Variants in LRRIQ1 observed in about 807,000 individuals in gnomAD.
LRRIQ1 encodes leucine-rich repeat- and IQ domain-containing protein 1.
LRRIQ1 carries 210 observed loss-of-function variants against 211.9 expected under a neutral mutation model. The ratio of observed to expected loss-of-function variants is 0.99; its 90% confidence interval spans 0.89 to 1.11. The LOEUF (loss-of-function observed/expected upper bound fraction) is 1.11, where lower values mean the gene tolerates loss of function less well. LRRIQ1 is among the 50% of genes most tolerant of loss of function. The pLI is 0.00. For missense variants in LRRIQ1, 2,136 were observed against 1,939.5 expected, an observed-to-expected ratio of 1.10 and a Z score of -1.90; for synonymous variants, 699 against 650.1, an observed-to-expected ratio of 1.08 and a Z score of -1.14.
chr12:85,094,933 G>A (rs758013765), intron 11 of LRRIQ1, among the ~76,000 whole-genome samples: 5 of 152,044 alleles, frequency 3.3e-5, no homozygotes, highest in African/African-American at 7.2e-5. Context: ...TATTACTGGT[G>A]TATAGAAATG....
chr12:85,132,054 G>A (rs1888801676), intron 18 of LRRIQ1, among the ~76,000 whole-genome samples: 1 of 152,058 alleles, frequency 6.6e-6, no homozygotes, highest in African/African-American at 2.4e-5. Context: ...AAACACACAT[G>A]CTATGTATTT....
chr12:85,176,969 C>A (rs1463104682), intron 24 of LRRIQ1, among the ~76,000 whole-genome samples: 8 of 152,006 alleles, frequency 5.3e-5, no homozygotes, highest in Admixed American at 5.3e-4. Context: ...ATCATATTCA[C>A]CAACTTGGAG....
intron 11 of LRRIQ1, among the ~76,000 whole-genome samples, chr12:85,088,463 T>G (rs1445448331): frequency 1.3e-5 from 2 of 152,164 alleles, no homozygotes; most frequent in Non-Finnish European, 2.9e-5. Flanking sequence ...TTTAAAGTAG[T>G]TTTTTCCAAT....
At chr12:85,184,904 TA>T (rs569319042) in intron 24 of LRRIQ1, among the ~76,000 whole-genome samples, 1 of 151,960 alleles carries the variant, frequency 6.6e-6, no homozygotes, top group East Asian at 1.9e-4. Flanking sequence ...ATATGATTTT[TA>T]AAAAGTAAAT....
chr12:85,131,286 G>GAC (rs1888743383), intron 18 of LRRIQ1, among the ~76,000 whole-genome samples: 1 of 151,668 alleles, frequency 6.6e-6, no homozygotes. Context: ...ATCTCCCACA[G>GAC]ACACTCCTTC....
chr12:85,250,970 T>TA (rs1895924653), intron 1 of LRRIQ1, among the ~76,000 whole-genome samples: 4 of 108,050 alleles, frequency 3.7e-5, no homozygotes, highest in Non-Finnish European at 5.4e-5. Flanking sequence ...TATTATATTA[T>TA]ATATATTATA....
rs190313019 is a variant in LRRIQ1 at position 85,071,114 on chromosome 12, A to T, written c.2696-1793A>T. Among the ~76,000 whole-genome samples the T allele has an allele frequency of 5.3e-5, 8 of 152,070 alleles. No individual in the cohort carries two copies. In the East Asian group the frequency reaches 1.2e-3, roughly 22 times the overall value. On this transcript the variant is annotated intron_variant, in intron 10 of 26. Coordinates refer to ENST00000393217, the MANE Select transcript of LRRIQ1 (RefSeq NM_001079910.2). ...ATGATTCCAAGATGAAAACTACATT[A>T]AAAAAGCATACTCAAGATATTGTGC...
intron 11 of LRRIQ1, among the ~76,000 whole-genome samples, chr12:85,074,764 A>G (rs1463833011): frequency 6.6e-6 from 1 of 152,136 alleles, no homozygotes; most frequent in Non-Finnish European, 1.5e-5. Flanking sequence ...GGCAAAAAAT[A>G]TATTGAATGA....
At chr12:85,177,859 G>T (rs1891788185) in intron 24 of LRRIQ1, among the ~76,000 whole-genome samples, 1 of 152,102 alleles carries the variant, frequency 6.6e-6, no homozygotes, top group African/African-American at 2.4e-5. Flanking sequence ...TCAGCACAGA[G>T]ATGGTAACTT....
chr12:85,241,699 T>G (rs1003591222), intron 26 of LRRIQ1, among the ~76,000 whole-genome samples: 5 of 151,984 alleles, frequency 3.3e-5, no homozygotes, highest in Non-Finnish European at 1.5e-5. Context: ...GACTTCATCT[T>G]TATAAAACTC....
At chr12:85,127,315 C>T (rs1888436415) in intron 17 of LRRIQ1, among the ~76,000 whole-genome samples, 1 of 152,186 alleles carries the variant, frequency 6.6e-6, no homozygotes. Flanking sequence ...ACTACTGAGT[C>T]TGTAAGAGTG....
At position 85,047,275 on chromosome 12, in the gene LRRIQ1, T is replaced by C. The variant is rs1026058536; in HGVS notation, c.483T>C (p.Cys161=). ...PDDADINFGY[C]EVEEKCRQSF... is the part of the protein sequence containing the mutation. ...ATGCTGATATAAATTTTGGATACTG[T>C]GAAGTGGAAGAAAAATGTAGACAGT... The change falls in exon 6 of 27, where the codon TGT becomes TGC. Residue 161 remains cysteine, a synonymous_variant. Transcript: ENST00000393217. 31 of 1,600,916 alleles carry C rather than the reference T, an allele frequency of 1.9e-5. No homozygotes were observed. Among genetic ancestry groups the C allele is most frequent in the Non-Finnish European group, 2.6e-5 (31 of 1,176,744 alleles).
chr12:85,215,312 A>G (rs551506581), intron 24 of LRRIQ1, among the ~76,000 whole-genome samples: 4 of 152,298 alleles, frequency 2.6e-5, no homozygotes, highest in South Asian at 2.1e-4. Context: ...AGATATTTGC[A>G]TCATAGGAAG....
chr12:85,145,220 A>T (rs2136616141), intron 19 of LRRIQ1, among the ~76,000 whole-genome samples: 1 of 151,760 alleles, frequency 6.6e-6, no homozygotes, highest in Non-Finnish European at 1.5e-5. Flanking sequence ...AAGTTTAGGG[A>T]ATATCAGAAA....
chr12:85,119,441 G>A (rs1887816431), intron 15 of LRRIQ1, among the ~76,000 whole-genome samples: 1 of 151,982 alleles, frequency 6.6e-6, no homozygotes, highest in African/African-American at 2.4e-5. Flanking sequence ...TCCAAGTTTT[G>A]GCGATTATGA....
intron 26 of LRRIQ1, among the ~76,000 whole-genome samples, chr12:85,242,635 A>T (rs1895516712): frequency 6.6e-6 from 1 of 151,908 alleles, no homozygotes; most frequent in African/African-American, 2.4e-5. Flanking sequence ...TTTAACACTA[A>T]GCAGAGAATG....
At chr12:85,225,871 T>C (rs1257695970) in intron 24 of LRRIQ1, among the ~76,000 whole-genome samples, 1 of 152,210 alleles carries the variant, frequency 6.6e-6, no homozygotes, top group Non-Finnish European at 1.5e-5. Flanking sequence ...TGTTACTTTC[T>C]CTTCCTCAGT....
intron 15 of LRRIQ1, among the ~76,000 whole-genome samples, chr12:85,113,986 T>A (rs1887384367): frequency 6.6e-6 from 1 of 151,374 alleles, no homozygotes; most frequent in African/African-American, 2.4e-5. Context: ...TTTCGTGCAC[T>A]GGGTATAGGA....
intron 24 of LRRIQ1, among the ~76,000 whole-genome samples, chr12:85,217,380 CAATT>C (rs1423076600): frequency 6.8e-6 from 1 of 148,036 alleles, no homozygotes; most frequent in Non-Finnish European, 1.5e-5. Flanking sequence ...ACTTGTCCCT[CAATT>C]AATAAATATA....
Sources: allele counts gnomAD v4.1 joint callset (sites outside exome capture counted in the v4.1 genomes callset), GRCh38; gene constraint gnomAD v4.1.1; transcripts MANE v1.5; gene names NCBI Gene and HGNC (gene_info 2026-07-23, HGNC 2026-07-21).